Variants in TOGARAM1 observed in about 807,000 individuals in gnomAD.
TOGARAM1 encodes TOG array regulator of axonemal microtubules protein 1.
A neutral mutation model predicts 166.6 loss-of-function variants in TOGARAM1; 100 were observed. That is an observed-to-expected ratio of 0.60 (90% CI 0.51 to 0.71). The LOEUF is 0.71. Among genes scored for constraint, TOGARAM1 ranks in the 30% least tolerant of loss-of-function variants. The pLI is 0.00. For missense variants in TOGARAM1, 2,029 were observed against 2,102.7 expected, an observed-to-expected ratio of 0.96 and a Z score of 0.69; for synonymous variants, 758 against 763.8, an observed-to-expected ratio of 0.99 and a Z score of 0.13.
intron 18 of TOGARAM1, among the ~76,000 whole-genome samples, chr14:45,070,505 T>G (rs549526094): frequency 6.6e-6 from 1 of 152,252 alleles, no homozygotes; most frequent in Non-Finnish European, 1.5e-5. Context: ...ATTTGCATTA[T>G]TGACAAATAC....
intron 6 of TOGARAM1, among the ~76,000 whole-genome samples, chr14:45,009,740 C>A (rs776009861): frequency 3.3e-5 from 5 of 152,168 alleles, no homozygotes; most frequent in Non-Finnish European, 7.4e-5. Flanking sequence ...TTTCAGATTA[C>A]TTCTGTAACC....
chr14:44,980,200 C>A (rs558784872), intron 1 of TOGARAM1, among the ~76,000 whole-genome samples: 83 of 152,284 alleles, frequency 5.5e-4, no homozygotes, highest in Non-Finnish European at 7.6e-4. Flanking sequence ...TCTGCTTTAA[C>A]ATTTACAGTC....
rs573557566 is a variant in TOGARAM1, at chr14:45,073,663, A to T, written c.*102A>T. On this transcript the variant is annotated 3_prime_UTR_variant, in exon 20 of 20. Coordinates refer to ENST00000361462, the MANE Select transcript of TOGARAM1 (RefSeq NM_001308120.2). ...CAGTGCCTGCACTTCACATCCAGCA[A>T]ATTAAGTCAATGGCTATTTTTATTT... The T allele has an allele frequency of 2.7e-5, 29 of 1,061,534 alleles. No individual in the cohort carries two copies. The highest frequency in any genetic ancestry group is 3.9e-5 in the Non-Finnish European group (29 of 749,656). 65.8% of individuals were successfully genotyped at this position (1,061,534 alleles called of 1,614,324 possible).
intron 16 of TOGARAM1, among the ~76,000 whole-genome samples, chr14:45,061,643 T>G (rs181814306): frequency 6.6e-6 from 1 of 152,304 alleles, no homozygotes; most frequent in Non-Finnish European, 1.5e-5. Flanking sequence ...TAATTATATT[T>G]TTTGTTTATT....
In TOGARAM1 at chr14:45,004,067, C is replaced by A; in HGVS notation, c.2345C>A (p.Ala782Asp). 6.2e-7 allele frequency: 1 copy of A among 1,613,482 alleles called. No individual in the cohort carries two copies. Among genetic ancestry groups the A allele is most frequent in the Non-Finnish European group, 8.5e-7 (1 of 1,179,662 alleles). ...ATCTTTTGTTTTATTACAGTGTATGCTAGCCTCAATTTTGGCAGTAAGACA... is the reference window on the plus strand; with the variant it reads ...ATCTTTTGTTTTATTACAGTGTATGATAGCCTCAATTTTGGCAGTAAGACA... ...TTSSHQEKVY[A>D]SLNFGSKTQQ... is the part of the protein sequence containing the mutation. Residue 782 changes from alanine to aspartate, a missense_variant, in exon 4 of 20, where the codon GCT becomes GAT. Transcript: ENST00000361462.
rs760856459 is a variant in TOGARAM1 at position 44,963,423 on chromosome 14, C to T, written c.1002C>T (p.Pro334=). The change falls in exon 1 of 20, where the codon CCC becomes CCT. Residue 334 remains proline (P), a synonymous_variant. Transcript: ENST00000361462. The part of the protein sequence containing the change: ...ELEASGFPED[P]LPCAVTLSNS... Reference sequence around the variant, plus strand: ...AAGCCTCTGGATTTCCTGAAGATCCCCTTCCCTGTGCAGTGACTCTTTCCA... The same window carrying T: ...AAGCCTCTGGATTTCCTGAAGATCCTCTTCCCTGTGCAGTGACTCTTTCCA... The T allele has an allele frequency of 6.2e-7, 1 of 1,614,170 alleles. No individual in the cohort carries two copies. Among genetic ancestry groups the T allele is most frequent in the South Asian group, 1.1e-5 (1 of 91,076 alleles).
rs772846025 is a variant in TOGARAM1 at position 44,964,189 on chromosome 14, G to T, written c.1768G>T (p.Ala590Ser). The T allele has an allele frequency of 1.9e-6, 3 of 1,614,188 alleles. No homozygotes were observed. In the African/African-American group the frequency reaches 4.0e-5, roughly 22 times the overall value. The change falls in exon 1 of 20, where the codon GCA (alanine) becomes TCA (serine). Residue 590 changes from alanine to serine, a missense_variant. Ala to Ser is a moderately conservative substitution (Grantham distance 99). This residue lies in a region of TOGARAM1 where 1,453 missense variants were observed against 1,432.2 expected (regional missense o/e 1.01). Transcript: ENST00000361462. ...CACAGAGCAGGGATTTGTGGAATAT[G>T]CAGTACTGATGCCATCTTCTGCCGG... Reference protein sequence around the residue: ...RLTEQGFVEYAVLMPSSAGGR... With the variant: ...RLTEQGFVEYSVLMPSSAGGR...
At chr14:45,003,085 CTG>C (rs1453582797) in intron 3 of TOGARAM1, among the ~76,000 whole-genome samples, 1 of 152,090 alleles carries the variant, frequency 6.6e-6, no homozygotes, top group African/African-American at 2.4e-5. Context: ...AATGAGGAAA[CTG>C]AAAGTTTTAA....
In TOGARAM1 at chr14:45,073,577, C is replaced by CT. The variant is rs1398265982; in HGVS notation, c.*17dup. 1.2e-6 allele frequency: 2 copies of CT among 1,602,268 alleles called. No individual in the cohort carries two copies. Among genetic ancestry groups the CT allele is most frequent in the Admixed American group, 3.4e-5 (2 of 58,986 alleles). On this transcript the variant is annotated 3_prime_UTR_variant, in exon 20 of 20. Coordinates refer to ENST00000361462, the MANE Select transcript of TOGARAM1 (RefSeq NM_001308120.2). ...TGAATTATGAATCTTCGATAAAATA[C>CT]TGTATGATGAACAAAAGTGTTTACA... is the stretch of plus-strand genomic sequence containing the variant.
chr14:44,963,426 T>A lies in TOGARAM1; in HGVS notation c.1005T>A (p.Leu335=). The change falls in exon 1 of 20, where the codon CTT becomes CTA. Residue 335 remains leucine (L), a synonymous_variant. Coordinates refer to ENST00000361462, the MANE Select transcript of TOGARAM1 (RefSeq NM_001308120.2). The part of the protein sequence containing the change: ...LEASGFPEDP[L]PCAVTLSNSN... The stretch of plus-strand genomic sequence containing the variant: ...CCTCTGGATTTCCTGAAGATCCCCT[T>A]CCCTGTGCAGTGACTCTTTCCAACA... 6.2e-7 allele frequency: 1 copy of A among 1,614,196 alleles called. No homozygotes were observed. Among genetic ancestry groups the A allele is most frequent in the Non-Finnish European group, 8.5e-7 (1 of 1,180,036 alleles).
intron 18 of TOGARAM1, among the ~76,000 whole-genome samples, chr14:45,070,042 C>T (rs1414953533): frequency 4.0e-5 from 6 of 151,830 alleles, no homozygotes; most frequent in African/African-American, 7.3e-5. Context: ...ATTAGCCGGG[C>T]GTGGTGGCAG....
chr14:45,026,400 A>G (rs1880842271), intron 8 of TOGARAM1, among the ~76,000 whole-genome samples: 1 of 152,190 alleles, frequency 6.6e-6, no homozygotes, highest in South Asian at 2.1e-4. Context: ...TTTTTGTTCA[A>G]TATAATGAAA....
intron 16 of TOGARAM1, among the ~76,000 whole-genome samples, chr14:45,056,056 C>T (rs974133482): frequency 2.6e-4 from 40 of 151,646 alleles, no homozygotes; most frequent in African/African-American, 5.8e-4. Context: ...CTTTTGTCAG[C>T]GTTTTTTAGT....
intron 1 of TOGARAM1, among the ~76,000 whole-genome samples, chr14:44,975,091 A>C (rs185136888): frequency 6.6e-6 from 1 of 152,180 alleles, no homozygotes; most frequent in Non-Finnish European, 1.5e-5. Context: ...TATTTTTTAT[A>C]TACCAGAAAG....
chr14:45,003,369 T>C (rs1301980034), intron 3 of TOGARAM1, among the ~76,000 whole-genome samples: 1 of 151,548 alleles, frequency 6.6e-6, no homozygotes, highest in African/African-American at 2.4e-5. Context: ...CGTTGAAGAA[T>C]AAAAAGATCA....
intron 16 of TOGARAM1, among the ~76,000 whole-genome samples, chr14:45,065,142 A>G (rs529255028): frequency 6.6e-6 from 1 of 152,276 alleles, no homozygotes; most frequent in South Asian, 2.1e-4. Flanking sequence ...TGACAAAGTG[A>G]GACTCTTTCT....
At chr14:45,005,556 G>C (rs1445426206) in intron 4 of TOGARAM1, among the ~76,000 whole-genome samples, 1 of 152,176 alleles carries the variant, frequency 6.6e-6, no homozygotes, top group Non-Finnish European at 1.5e-5. Flanking sequence ...GGAGGTTGCA[G>C]TGAGCTGAGG....
intron 1 of TOGARAM1, among the ~76,000 whole-genome samples, chr14:44,985,510 A>G (rs1029269711): frequency 6.6e-6 from 1 of 152,194 alleles, no homozygotes; most frequent in Non-Finnish European, 1.5e-5. Flanking sequence ...CAGACGTTAG[A>G]TTCTTAGAAG....
At chr14:45,041,411 A>G (rs1881720063) in intron 11 of TOGARAM1, among the ~76,000 whole-genome samples, 1 of 152,236 alleles carries the variant, frequency 6.6e-6, no homozygotes, top group African/African-American at 2.4e-5. Flanking sequence ...AAAACAAAAC[A>G]AAACAAAAAA....
Sources: gnomAD v4.1 joint callset for allele counts (sites outside exome capture counted in the v4.1 genomes callset) on GRCh38, gnomAD v4.1.1 for gene constraint, gnomAD v4.1.1 regional missense constraint, MANE v1.5 for transcripts, NCBI Gene and HGNC (gene_info 2026-07-23, HGNC 2026-07-21) for gene names.